Variants in RGS8 observed in about 807,000 individuals in gnomAD.
RGS8 encodes regulator of G protein signaling 8.
Under a neutral mutation model 21.7 loss-of-function variants are expected in RGS8, and 8 were observed. The observed-to-expected ratio is 0.37, with a 90% CI of 0.22 to 0.66. RGS8 has a LOEUF of 0.66. RGS8 is among the 30% of genes least tolerant of loss of function. The pLI, the probability that RGS8 is intolerant of heterozygous loss-of-function variation, is 0.59. For synonymous variants in RGS8, 80 were observed against 83.6 expected, an observed-to-expected ratio of 0.96 and a Z score of 0.24; for missense variants, 157 against 217.9, an observed-to-expected ratio of 0.72 and a Z score of 1.76.
chr1:182,669,856 C>A, intron 2 of RGS8, 104 bp from the exon 4 acceptor site: 1 of 1,283,038 alleles, frequency 7.8e-7, no homozygotes, highest in Non-Finnish European at 1.0e-6. Context: ...TCCCCACACA[C>A]ATCCCCCCAG....
chr1:182,681,105 C>G (rs894241427), intron 1 of RGS8, among the ~76,000 whole-genome samples: 1 of 152,156 alleles, frequency 6.6e-6, no homozygotes, highest in East Asian at 1.9e-4. Context: ...AACATTGAGT[C>G]ACAGGGAGAA....
chr1:182,680,902 C>T (rs148399002), intron 1 of RGS8, among the ~76,000 whole-genome samples: 140 of 152,290 alleles, frequency 9.2e-4, no homozygotes, highest in African/African-American at 3.3e-3. Context: ...CAGAGTGGCA[C>T]AGGCTCCAGG....
At chr1:182,720,938 T>C in the RGS8 span, among the ~76,000 whole-genome samples, 6 of 74,506 alleles carry the variant, frequency 8.1e-5, no homozygotes, top group African/African-American at 1.2e-4. Context: ...CATATATACA[T>C]ATATATACAT....
chr1:182,660,862 G>A (rs888450741), intron 5 of RGS8, among the ~76,000 whole-genome samples: 2 of 151,698 alleles, frequency 1.3e-5, no homozygotes, highest in East Asian at 1.9e-4. Context: ...GAGAGGACCC[G>A]CAGATTTTTA....
upstream of RGS8, among the ~76,000 whole-genome samples, chr1:182,689,310 A>ACC (rs1664775183): frequency 6.9e-6 from 1 of 145,878 alleles, no homozygotes; most frequent in African/African-American, 2.5e-5. Flanking sequence ...CACACACCCC[A>ACC]CAAGTGAATA....
the RGS8 span, chr1:182,734,271 T>A: frequency 6.6e-6 from 1 of 152,186 alleles, no homozygotes; most frequent in Non-Finnish European, 1.5e-5. Flanking sequence ...AGCAGGTCAG[T>A]CACAGTGTGA....
the RGS8 span, among the ~76,000 whole-genome samples, chr1:182,720,508 A>T: frequency 6.6e-6 from 1 of 152,190 alleles, no homozygotes; most frequent in East Asian, 1.9e-4. Context: ...TTCATTCCCC[A>T]CTGGCTACCA....
At position 182,647,650 on chromosome 1, in the gene RGS8, G is replaced by C. The variant is rs572941963; in HGVS notation, c.360+487C>G. ...TGTAATTACTCATTAATGAGCAGTG[G>C]CAAATACTGAACAGGTGCTTTATCT... On this transcript the variant is annotated intron_variant, in intron 6 of 6. Coordinates refer to ENST00000483095, the Ensembl canonical transcript of RGS8. Among the ~76,000 whole-genome samples the C allele has an allele frequency of 2.8e-4, 43 of 152,230 alleles. 1 individual carries two copies. Among genetic ancestry groups the C allele is most frequent in the Admixed American group, 2.3e-3 (35 of 15,292 alleles).
chr1:182,650,235 G>A (rs570216296), intron 5 of RGS8, among the ~76,000 whole-genome samples: 1 of 152,284 alleles, frequency 6.6e-6, no homozygotes, highest in South Asian at 2.1e-4. Flanking sequence ...TAGGTGACAG[G>A]ATGACCTGGG....
At chr1:182,709,216 T>C in the RGS8 span, among the ~76,000 whole-genome samples, 2 of 152,220 alleles carry the variant, frequency 1.3e-5, no homozygotes, top group Admixed American at 6.5e-5. Context: ...CTGGGCCTCA[T>C]AGTTTCTACT....
chr1:182,705,561 A>T, the RGS8 span, among the ~76,000 whole-genome samples: 3 of 135,638 alleles, frequency 2.2e-5, no homozygotes, highest in African/African-American at 5.7e-5. Flanking sequence ...TATCTAGAAC[A>T]TGCAGCATTG....
chr1:182,709,494 A>G, the RGS8 span, among the ~76,000 whole-genome samples: 1 of 152,202 alleles, frequency 6.6e-6, no homozygotes, highest in Admixed American at 6.5e-5. Flanking sequence ...GACACCTCAT[A>G]TCCAACCATC....
chr1:182,656,892 C>T (rs1330653071), intron 5 of RGS8, among the ~76,000 whole-genome samples: 1 of 152,216 alleles, frequency 6.6e-6, no homozygotes, highest in Non-Finnish European at 1.5e-5. Flanking sequence ...TGCTCACCCA[C>T]TTTGTATGCC....
At chr1:182,705,646 T>G in the RGS8 span, among the ~76,000 whole-genome samples, 1 of 151,682 alleles carries the variant, frequency 6.6e-6, no homozygotes, top group Non-Finnish European at 1.5e-5. Context: ...CAGATAATAG[T>G]AAATATCTGC....
intron 1 of RGS8, among the ~76,000 whole-genome samples, chr1:182,681,651 C>T (rs889664686): frequency 2.6e-5 from 4 of 152,200 alleles, no homozygotes; most frequent in African/African-American, 7.2e-5. Flanking sequence ...CCGAAATTCA[C>T]ACAGAACTGG....
intron 5 of RGS8, chr1:182,658,514 C>G (rs1012982849): frequency 4.6e-5 from 7 of 152,132 alleles, no homozygotes; most frequent in African/African-American, 1.4e-4. Flanking sequence ...GTTCCAAGAC[C>G]AGATAGAGGA....
chr1:182,711,947 C>G, the RGS8 span, among the ~76,000 whole-genome samples: 10 of 152,180 alleles, frequency 6.6e-5, no homozygotes, highest in African/African-American at 2.2e-4. Context: ...TTGCATAGCT[C>G]TGTCCTGTTT....
chr1:182,697,907 T>C, the RGS8 span, among the ~76,000 whole-genome samples: 3 of 152,194 alleles, frequency 2.0e-5, no homozygotes, highest in Non-Finnish European at 4.4e-5. Flanking sequence ...CTAGAATGAT[T>C]TAAACTGAAG....
At chr1:182,682,341 T>C (rs1664562973) in intron 1 of RGS8, among the ~76,000 whole-genome samples, 1 of 152,188 alleles carries the variant, frequency 6.6e-6, no homozygotes, top group South Asian at 2.1e-4. Flanking sequence ...TCTGCACCCT[T>C]GCTCCTGGCA....
Sources: allele counts gnomAD v4.1 joint callset (sites outside exome capture counted in the v4.1 genomes callset), GRCh38; gene constraint gnomAD v4.1.1; transcripts MANE v1.5; gene names NCBI Gene and HGNC (gene_info 2026-07-23, HGNC 2026-07-21).